KCNG3: variants seen among roughly 807,000 people sequenced by gnomAD.
KCNG3 encodes potassium voltage-gated channel modifier subfamily G member 3, also known as voltage-gated potassium channel regulatory subunit KCNG3.
A neutral mutation model predicts 29.0 loss-of-function variants in KCNG3; 15 were observed. That is an observed-to-expected ratio of 0.52 (90% CI 0.35 to 0.80). KCNG3 has a LOEUF of 0.80. KCNG3 is among the 30% of genes least tolerant of loss of function. KCNG3 has a pLI of 0.01. For synonymous variants in KCNG3, 322 were observed against 248.9 expected, an observed-to-expected ratio of 1.29 and a Z score of -2.76; for missense variants, 512 against 605.7, an observed-to-expected ratio of 0.85 and a Z score of 1.62.
At chr2:42,453,007 C>A (rs1672800933) in intron 1 of KCNG3, among the ~76,000 whole-genome samples, 1 of 152,220 alleles carries the variant, frequency 6.6e-6, no homozygotes, top group Non-Finnish European at 1.5e-5. Context: ...GTCTCGAACT[C>A]CTGACCTCAG....
chr2:42,428,850 G>A, the KCNG3 span, among the ~76,000 whole-genome samples: 1 of 152,280 alleles, frequency 6.6e-6, no homozygotes, highest in East Asian at 1.9e-4. Flanking sequence ...TGAGTGTAGT[G>A]GCTTGTGCCT....
rs1553330073 is a variant in KCNG3 at position 42,472,904 on chromosome 2, T to TATA, written c.665+19932_665+19933insTAT. Among the ~76,000 whole-genome samples the TATA allele has an allele frequency of 4.4e-3, 382 of 87,076 alleles. 2 individuals carry two copies. Among genetic ancestry groups the TATA allele is most frequent in the East Asian group, 0.012 (34 of 2,906 alleles). The allele number at this position is 87,076 out of a possible 152,430, so 57.1% of individuals were successfully genotyped here. On this transcript the variant is annotated intron_variant, in intron 1 of 1. Transcript: ENST00000306078. ...ATCTATCGATAGATATATATATATATTTTTTTTTTTTTTTTGAAACAGAGT... is the reference window on the plus strand; with the variant it reads ...ATCTATCGATAGATATATATATATATATATTTTTTTTTTTTTTTGAAACAGAGT...
intron 1 of KCNG3, among the ~76,000 whole-genome samples, chr2:42,491,590 T>A (rs1297796466): frequency 1.3e-5 from 2 of 152,210 alleles, no homozygotes; most frequent in Non-Finnish European, 2.9e-5. Context: ...ATCTGTAAAT[T>A]CAAAACTGTT....
chr2:42,470,188 T>A (rs1673252377), intron 1 of KCNG3: 2 of 423,444 alleles, frequency 4.7e-6, no homozygotes, highest in African/African-American at 4.2e-5. Flanking sequence ...ACCATTTGGC[T>A]TGATATTATA....
In KCNG3 at chr2:42,493,333, C is replaced by A; in HGVS notation, c.169G>T (p.Glu57Ter). 1 of 1,603,810 alleles carries A rather than the reference C, an allele frequency of 6.2e-7. No homozygotes were observed. The highest frequency in any genetic ancestry group is 8.5e-7 in the Non-Finnish European group (1 of 1,175,396). The change falls in exon 1 of 2, where the codon GAG becomes TAG. Residue 57 changes from glutamate (E) to a stop codon, truncating the protein, a stop_gained. Coordinates refer to ENST00000306078, the MANE Select transcript of KCNG3 (RefSeq NM_133329.6). LOFTEE classifies it high-confidence loss of function. ...CGGTCGAAGAAGTACTCGTTGCGCT[C>A]GCGGTCGTAGTCGTCGCACACCTCG... ...VLEVCDDYDR[E>*]RNEYFFDRHS...
the KCNG3 span, among the ~76,000 whole-genome samples, chr2:42,417,612 A>T: frequency 6.6e-6 from 1 of 152,138 alleles, no homozygotes. Flanking sequence ...GTGAGCCACC[A>T]TTTGTGTTTA....
At chr2:42,433,999 T>A in the KCNG3 span, among the ~76,000 whole-genome samples, 1 of 152,078 alleles carries the variant, frequency 6.6e-6, no homozygotes, top group African/African-American at 2.4e-5. Flanking sequence ...AAAGAAGACA[T>A]AAGTGAATCG....
the KCNG3 span, among the ~76,000 whole-genome samples, chr2:42,398,496 C>T: frequency 3.3e-5 from 5 of 152,236 alleles, no homozygotes; most frequent in South Asian, 6.2e-4. Flanking sequence ...TTATGGAAGA[C>T]TCAGAATGGC....
At chr2:42,477,013 G>A (rs1370521433) in intron 1 of KCNG3, among the ~76,000 whole-genome samples, 1 of 145,506 alleles carries the variant, frequency 6.9e-6, no homozygotes, top group South Asian at 2.2e-4. Context: ...GTGAAACCCC[G>A]TCTCTACTAA....
chr2:42,395,041 C>T, the KCNG3 span, among the ~76,000 whole-genome samples: 1 of 152,172 alleles, frequency 6.6e-6, no homozygotes, highest in African/African-American at 2.4e-5. Context: ...AACCAAAATG[C>T]TCATCAGAGC....
chr2:42,414,785 C>G, the KCNG3 span, among the ~76,000 whole-genome samples: 27 of 152,228 alleles, frequency 1.8e-4, no homozygotes, highest in African/African-American at 6.3e-4. Flanking sequence ...TAAGAGTTGT[C>G]TTCAGTTCCA....
intron 1 of KCNG3, among the ~76,000 whole-genome samples, chr2:42,476,396 G>A (rs1297782694): frequency 6.6e-6 from 1 of 152,040 alleles, no homozygotes; most frequent in Non-Finnish European, 1.5e-5. Flanking sequence ...AGGATTGCCT[G>A]AGCCCAGGAG....
the KCNG3 span, among the ~76,000 whole-genome samples, chr2:42,406,006 G>A: frequency 6.6e-6 from 1 of 151,924 alleles, no homozygotes; most frequent in Non-Finnish European, 1.5e-5. Context: ...GCCTCCCAAA[G>A]TGCTGGGATT....
At chr2:42,430,451 C>G in the KCNG3 span, among the ~76,000 whole-genome samples, 18 of 151,666 alleles carry the variant, frequency 1.2e-4, no homozygotes, top group Non-Finnish European at 2.2e-4. Flanking sequence ...TTTCAAAATA[C>G]TTAAAAATAT....
chr2:42,433,620 T>G, the KCNG3 span, among the ~76,000 whole-genome samples: 1 of 152,092 alleles, frequency 6.6e-6, no homozygotes, highest in African/African-American at 2.4e-5. Context: ...ACCCCTGTAA[T>G]CCCAGCTACT....
chr2:42,413,157 G>A, the KCNG3 span, among the ~76,000 whole-genome samples: 1 of 152,198 alleles, frequency 6.6e-6, no homozygotes, highest in South Asian at 2.1e-4. Flanking sequence ...GTGCCACCAT[G>A]CCTGGGTAAT....
intron 1 of KCNG3, among the ~76,000 whole-genome samples, chr2:42,482,300 C>T (rs1262683201): frequency 1.3e-5 from 2 of 152,194 alleles, no homozygotes; most frequent in Non-Finnish European, 2.9e-5. Context: ...ACCTACAGAT[C>T]GGGCATAGTG....
intron 1 of KCNG3, among the ~76,000 whole-genome samples, chr2:42,451,536 C>A (rs752780441): frequency 6.6e-6 from 1 of 151,734 alleles, no homozygotes; most frequent in Non-Finnish European, 1.5e-5. Context: ...ACCAGCCTGG[C>A]CAACATGGTG....
chr2:42,485,069 T>C (rs1359928166), intron 1 of KCNG3, among the ~76,000 whole-genome samples: 2 of 152,212 alleles, frequency 1.3e-5, no homozygotes, highest in East Asian at 1.9e-4. Flanking sequence ...ATCGAAATAA[T>C]ATAATTGAAA....
Sources: allele counts gnomAD v4.1 joint callset (sites outside exome capture counted in the v4.1 genomes callset), GRCh38; gene constraint gnomAD v4.1.1; transcripts MANE v1.5; gene names NCBI Gene and HGNC (gene_info 2026-07-23, HGNC 2026-07-21).